Variants in CTNNA3 observed in about 807,000 individuals in gnomAD.
The protein encoded by CTNNA3 is catenin alpha-3.
CTNNA3 carries 76 observed loss-of-function variants against 95.7 expected under a neutral mutation model. The ratio of observed to expected loss-of-function variants is 0.79; its 90% confidence interval spans 0.66 to 0.96. The LOEUF (loss-of-function observed/expected upper bound fraction) is 0.96. Among genes scored for constraint, CTNNA3 ranks in the 40% least tolerant of loss-of-function variants. The probability of loss-of-function intolerance (pLI) is 0.00; values close to 1 mark genes in which losing one functional copy is unlikely to be tolerated. For missense variants in CTNNA3, 1,191 were observed against 1,089.8 expected, an observed-to-expected ratio of 1.09 and a Z score of -1.31; for synonymous variants, 431 against 374.4, an observed-to-expected ratio of 1.15 and a Z score of -1.74.
intron 10 of CTNNA3, among the ~76,000 whole-genome samples, chr10:66,523,915 C>T (rs868078296): frequency 6.6e-6 from 1 of 152,272 alleles, no homozygotes; most frequent in Middle Eastern, 3.4e-3. Flanking sequence ...TATTTCTTTT[C>T]AGTAATTCAT....
intron 9 of CTNNA3, among the ~76,000 whole-genome samples, chr10:66,748,827 A>C (rs2132720385): frequency 6.6e-6 from 1 of 152,082 alleles, no homozygotes; most frequent in African/African-American, 2.4e-5. Flanking sequence ...ATTTGTTACA[A>C]TCGATGAACA....
intron 7 of CTNNA3, among the ~76,000 whole-genome samples, chr10:66,865,419 A>C (rs1844134251): frequency 6.6e-6 from 1 of 152,250 alleles, no homozygotes; most frequent in East Asian, 1.9e-4. Flanking sequence ...ATCAGTCCTG[A>C]ACAGTAAATT....
intron 17 of CTNNA3, among the ~76,000 whole-genome samples, chr10:65,949,396 A>G (rs2077574279): frequency 6.6e-6 from 1 of 152,218 alleles, no homozygotes; most frequent in South Asian, 2.1e-4. Context: ...TAAATGTGTC[A>G]ATAAGAGTAT....
intron 1 of CTNNA3, among the ~76,000 whole-genome samples, chr10:67,705,182 A>G (rs1841070198): frequency 6.6e-6 from 1 of 152,052 alleles, no homozygotes; most frequent in South Asian, 2.1e-4. Flanking sequence ...TGTTGGTGGG[A>G]CTGTAAACTA....
intron 11 of CTNNA3, among the ~76,000 whole-genome samples, chr10:66,429,552 C>T (rs1423696403): frequency 6.6e-6 from 1 of 152,168 alleles, no homozygotes; most frequent in Admixed American, 6.5e-5. Context: ...AGCTTATCCA[C>T]CACGATCAAG....
intron 5 of CTNNA3, among the ~76,000 whole-genome samples, chr10:67,264,271 A>G (rs1358301684): frequency 6.6e-6 from 1 of 152,126 alleles, no homozygotes. Context: ...GTGGGATTCA[A>G]ACTAAAGCCT....
Position 66,075,346 on chromosome 10 carries a change from G to T in CTNNA3, c.1978-5857C>A, listed in dbSNP as rs192323384. On this transcript the variant is annotated intron_variant, in intron 14 of 17. Transcript: ENST00000433211. ...CAGACCACCATTCAAATTCCACTTT[G>T]GCCAAGTATTAGTTATACAGCAATT... 2.6e-3 allele frequency among the ~76,000 whole-genome samples: 389 copies of T among 151,746 alleles called. 6 individuals are homozygous for T. Among genetic ancestry groups the T allele is most frequent in the African/African-American group, 9.1e-3 (376 of 41,478 alleles).
At chr10:66,121,469 C>G (rs1937434084) in intron 13 of CTNNA3, among the ~76,000 whole-genome samples, 1 of 151,294 alleles carries the variant, frequency 6.6e-6, no homozygotes, top group Non-Finnish European at 1.5e-5. Flanking sequence ...AACATACATA[C>G]ACACACACAC....
chr10:66,996,650 A>AAAAAAAAAAAAAAG (rs1851368157), intron 7 of CTNNA3, among the ~76,000 whole-genome samples: 1 of 31,714 alleles, frequency 3.2e-5, no homozygotes, highest in Non-Finnish European at 7.7e-5. Flanking sequence ...CCGTCTCTAC[A>AAAAAAAAAAAAAAG]AAAAAAAAAA....
At position 66,715,795 on chromosome 10, in the gene CTNNA3, A is replaced by G. The variant is rs547465692; in HGVS notation, c.1281+50469T>C. ...TTTATTTCATCAAAATTATATTGCT[A>G]TGGTCAAGATTTTTAATTTCTTGAC... On this transcript the variant is annotated intron_variant, in intron 9 of 17. Coordinates refer to ENST00000433211, the MANE Select transcript of CTNNA3 (RefSeq NM_013266.4). Among the ~76,000 whole-genome samples, 10 of 152,192 alleles carry G rather than the reference A, an allele frequency of 6.6e-5. No individual in the cohort carries two copies. The South Asian group carries it at 1.0e-3, about 16-fold the overall frequency.
chr10:66,366,336 A>C (rs898564371), intron 12 of CTNNA3, among the ~76,000 whole-genome samples: 11 of 152,198 alleles, frequency 7.2e-5, no homozygotes, highest in Non-Finnish European at 2.9e-5. Context: ...TTGAGCTTGG[A>C]AAGTTCTCTG....
chr10:67,462,503 A>T (rs1847416113), intron 5 of CTNNA3, among the ~76,000 whole-genome samples: 1 of 152,164 alleles, frequency 6.6e-6, no homozygotes, highest in African/African-American at 2.4e-5. Flanking sequence ...AAATTTGCAT[A>T]CTTCCTCTCT....
At chr10:66,131,447 AT>A (rs1393383273) in intron 13 of CTNNA3, among the ~76,000 whole-genome samples, 3 of 152,212 alleles carry the variant, frequency 2.0e-5, no homozygotes, top group Non-Finnish European at 4.4e-5. Context: ...TGAAGAAAAC[AT>A]TCCATGCTCA....
chr10:66,524,247 G>A (rs989829383), intron 10 of CTNNA3, among the ~76,000 whole-genome samples: 6 of 20,820 alleles, frequency 2.9e-4, no homozygotes, highest in Non-Finnish European at 7.0e-4. Flanking sequence ...ATGATTGCTC[G>A]TACACATGTC....
At chr10:66,491,214 A>G (rs1839910992) in intron 11 of CTNNA3, among the ~76,000 whole-genome samples, 1 of 152,144 alleles carries the variant, frequency 6.6e-6, no homozygotes, top group Admixed American at 6.5e-5. Context: ...GTACACCACT[A>G]TTGCTAGGGA....
intron 4 of CTNNA3, among the ~76,000 whole-genome samples, chr10:67,532,414 AT>A (rs1476665113): frequency 6.6e-6 from 1 of 152,212 alleles, no homozygotes; most frequent in Non-Finnish European, 1.5e-5. Context: ...AATATTTGTC[AT>A]AGTCAGAATT....
At chr10:66,378,593 C>T (rs913345495) in intron 12 of CTNNA3, among the ~76,000 whole-genome samples, 11 of 152,276 alleles carry the variant, frequency 7.2e-5, no homozygotes, top group Admixed American at 7.2e-4. Flanking sequence ...TAAGCATTTG[C>T]TGGCTGGTTT....
At chr10:66,602,441 A>G (rs1416700550) in intron 10 of CTNNA3, among the ~76,000 whole-genome samples, 1 of 151,956 alleles carries the variant, frequency 6.6e-6, no homozygotes, top group African/African-American at 2.4e-5. Flanking sequence ...CAAGTCCAGG[A>G]TATCTTATTT....
chr10:66,529,947 G>C (rs544232406), intron 10 of CTNNA3, among the ~76,000 whole-genome samples: 3 of 152,236 alleles, frequency 2.0e-5, no homozygotes, highest in Admixed American at 6.5e-5. Flanking sequence ...ACACTGAGGT[G>C]GGGTGTGGAG....
Sources: gnomAD v4.1 joint callset for allele counts (sites outside exome capture counted in the v4.1 genomes callset) on GRCh38, gnomAD v4.1.1 for gene constraint, MANE v1.5 for transcripts, NCBI Gene and HGNC (gene_info 2026-07-23, HGNC 2026-07-21) for gene names.